Variants in SLC6A13 observed in about 807,000 individuals in gnomAD.
The protein encoded by SLC6A13 is solute carrier family 6 member 13.
SLC6A13 carries 69 observed loss-of-function variants against 72.9 expected under a neutral mutation model. The observed-to-expected ratio is 0.95, with a 90% confidence interval of 0.78 to 1.16. The LOEUF is 1.16. SLC6A13 is among the 50% of genes most tolerant of loss of function. The pLI is 0.00. For missense variants in SLC6A13, 735 were observed against 760.5 expected, an observed-to-expected ratio of 0.97 and a Z score of 0.39; for synonymous variants, 303 against 303.0, an observed-to-expected ratio of 1.00 and a Z score of 0.00.
chr12:248,997 T>C (rs74057643), intron 2 of SLC6A13, among the ~76,000 whole-genome samples: 7,995 of 152,218 alleles, frequency 0.053, 567 homozygotes, highest in East Asian at 0.31. Context: ...TTGCCACCTA[T>C]TTGGAAATTA....
At chr12:238,237 C>T (rs1219236240) in intron 4 of SLC6A13, 24 of 1,508,324 alleles carry the variant, frequency 1.6e-5, no homozygotes, top group Non-Finnish European at 1.9e-5. Flanking sequence ...CTTGGGTATA[C>T]ATTCTCCTCA....
chr12:245,597 T>C (rs1555118389), intron 2 of SLC6A13, among the ~76,000 whole-genome samples: 2 of 149,796 alleles, frequency 1.3e-5, no homozygotes, highest in African/African-American at 4.9e-5. Context: ...GGAGAATTGC[T>C]TGAACCTGGG....
chr12:221,903 T>G (rs1308244895), intron 13 of SLC6A13, among the ~76,000 whole-genome samples: 1 of 152,230 alleles, frequency 6.6e-6, no homozygotes, highest in Non-Finnish European at 1.5e-5. Context: ...TCCTTCTCCC[T>G]CTGCTCCTCA....
At chr12:252,216 G>T (rs141622949) in intron 2 of SLC6A13, among the ~76,000 whole-genome samples, 8 of 152,024 alleles carry the variant, frequency 5.3e-5, no homozygotes, top group Non-Finnish European at 1.5e-5. Flanking sequence ...AGGTATGGTG[G>T]TATCACAATT....
Position 248,401 on chromosome 12 carries a change from C to T in SLC6A13, c.203-4588G>A, listed in dbSNP as rs546179185. Among the ~76,000 whole-genome samples the T allele has an allele frequency of 3.5e-4, 27 of 76,452 alleles. No individual in the cohort carries two copies. The East Asian group carries it at 7.0e-3, about 20-fold the overall frequency. 50.2% of individuals were successfully genotyped at this position (76,452 alleles called of 152,430 possible). ...CCTAGGCGACAGCAAGACTCCGTCT[C>T]GGAAAAAAAAAAAAAAAAAAAAAGA... On this transcript the variant is annotated intron_variant, in intron 2 of 14. Transcript: ENST00000343164.
Position 260,200 on chromosome 12 carries a change from C to T in SLC6A13, c.-5-143G>A, listed in dbSNP as rs1942883253. 6 of 821,978 alleles carry T rather than the reference C, an allele frequency of 7.3e-6. No individual in the cohort carries two copies. In the South Asian group the frequency reaches 8.9e-5, roughly 12 times the overall value. The allele number at this position is 821,978 out of a possible 1,614,324, so 50.9% of individuals were successfully genotyped here. A position where few individuals can be genotyped will look rare whatever the true frequency, so the allele number is the denominator to read the frequency against. On this transcript the variant is annotated intron_variant, in intron 1 of 14. Transcript: ENST00000343164. ...TCCCTTCCCTGTAGACCATGTCCTC[C>T]TTAGCAGTTCTCATTGGTAGAAGCT...
intron 1 of SLC6A13, 113 bp downstream of exon 1, chr12:262,676 A>G: frequency 4.1e-6 from 4 of 985,130 alleles, no homozygotes; most frequent in Non-Finnish European, 4.8e-6. Context: ...TCAGAAGCGT[A>G]CTTTCTAGGC....
intron 6 of SLC6A13, among the ~76,000 whole-genome samples, chr12:235,478 A>G (rs951510571): frequency 6.6e-6 from 1 of 152,212 alleles, no homozygotes; most frequent in Non-Finnish European, 1.5e-5. Context: ...TCCAAATAAT[A>G]CTTTTATAAT....
chr12:238,431 G>A, intron 4 of SLC6A13: 1 of 838,610 alleles, frequency 1.2e-6, no homozygotes. Flanking sequence ...GACCCCACGG[G>A]TATGAACTGT....
At chr12:235,769 G>A (rs7976795) in intron 6 of SLC6A13, among the ~76,000 whole-genome samples, 54 of 152,306 alleles carry the variant, frequency 3.5e-4, no homozygotes, top group South Asian at 1.5e-3. Context: ...ATAAACGGAC[G>A]TGCAAGTAGG....
At chr12:245,764 C>A (rs1227282554) in intron 2 of SLC6A13, among the ~76,000 whole-genome samples, 1 of 151,990 alleles carries the variant, frequency 6.6e-6, no homozygotes, top group Admixed American at 6.5e-5. Flanking sequence ...GCAGGCAGAT[C>A]ACGAGGTCAA....
chr12:251,874 G>C (rs1231557899), intron 2 of SLC6A13, among the ~76,000 whole-genome samples: 2 of 152,118 alleles, frequency 1.3e-5, no homozygotes, highest in Non-Finnish European at 2.9e-5. Flanking sequence ...GTGGTGGGAA[G>C]ATCATTTGAG....
chr12:233,529 C>T (rs536868901), intron 7 of SLC6A13, among the ~76,000 whole-genome samples: 1 of 152,232 alleles, frequency 6.6e-6, no homozygotes, highest in Admixed American at 6.5e-5. Context: ...TAACACTAGC[C>T]CAGCTGGCTG....
intron 8 of SLC6A13, chr12:227,018 G>A (rs1941488116): frequency 6.0e-6 from 1 of 166,930 alleles, no homozygotes; most frequent in African/African-American, 2.4e-5. Flanking sequence ...AGGTAGGCAA[G>A]GAGAGAACGA....
At chr12:233,570 A>G (rs956355479) in intron 7 of SLC6A13, among the ~76,000 whole-genome samples, 1 of 152,146 alleles carries the variant, frequency 6.6e-6, no homozygotes, top group Non-Finnish European at 1.5e-5. Context: ...CGGCCTAGAC[A>G]TGGGTCACAT....
In SLC6A13 at chr12:254,086, G is replaced by C. The variant is rs1942653721; in HGVS notation, c.202+5765C>G. On this transcript the variant is annotated intron_variant, in intron 2 of 14. Transcript: ENST00000343164. This position sits in a 1 kb window ranked among gnomAD's most constrained non-coding sequence, Gnocchi z 4.4. ...CCAGCATCTCCTCGTCCCATGACTG[G>C]AACTTTAACTGGGCAGGCCCTAGTA... is the stretch of plus-strand genomic sequence containing the variant. Among the ~76,000 whole-genome samples, 1 of 152,220 alleles carries C rather than the reference G, an allele frequency of 6.6e-6. No individual in the cohort carries two copies. The highest frequency in any genetic ancestry group is 2.4e-5 in the African/African-American group (1 of 41,452).
chr12:229,608 G>A lies in SLC6A13; in HGVS notation c.832-1940C>T, dbSNP rs183052646. ...GCTCAGGACCAATGCACGTCTCCTG[G>A]GACCCACGGGTACTGCCCCTTCATG... On this transcript the variant is annotated intron_variant, in intron 7 of 14. Transcript: ENST00000343164. Among the ~76,000 whole-genome samples, 476 of 152,328 alleles carry A rather than the reference G, an allele frequency of 3.1e-3. 5 individuals carry two copies. Among genetic ancestry groups the A allele is most frequent in the African/African-American group, 0.011 (461 of 41,562 alleles).
chr12:255,048 C>T (rs1486415793), intron 2 of SLC6A13, among the ~76,000 whole-genome samples: 1 of 152,200 alleles, frequency 6.6e-6, no homozygotes, highest in East Asian at 1.9e-4. Context: ...TTCCACGTCT[C>T]AGTGAATGGC....
At chr12:259,624 T>C in intron 2 of SLC6A13, 1 of 1,425,758 alleles carries the variant, frequency 7.0e-7, no homozygotes, top group Non-Finnish European at 9.1e-7. Context: ...TTCCAGCTTG[T>C]GCTCATATTT....
Sources: allele counts gnomAD v4.1 joint callset (sites outside exome capture counted in the v4.1 genomes callset), GRCh38; gene constraint gnomAD v4.1.1; non-coding constraint Gnocchi (gnomAD v3.1); transcripts MANE v1.5; gene names NCBI Gene and HGNC (gene_info 2026-07-23, HGNC 2026-07-21).